SUMF1: variants seen among roughly 807,000 people sequenced by gnomAD.
SUMF1 encodes the protein formylglycine-generating enzyme.
A neutral mutation model predicts 47.6 loss-of-function variants in SUMF1; 48 were observed. That is an observed-to-expected ratio of 1.01 (90% CI 0.80 to 1.28). The LOEUF (loss-of-function observed/expected upper bound fraction) is 1.28, where lower values mean the gene tolerates loss of function less well. Ranked by LOEUF, SUMF1 falls within the 50% of genes most tolerant of loss-of-function variation. SUMF1 has a pLI of 0.00. For synonymous variants in SUMF1, 230 were observed against 192.1 expected, an observed-to-expected ratio of 1.20 and a Z score of -1.63; for missense variants, 571 against 485.4, an observed-to-expected ratio of 1.18 and a Z score of -1.66.
chr3:4,097,180 G>T (rs1208905193), intron 8 of SUMF1, among the ~76,000 whole-genome samples: 3 of 152,114 alleles, frequency 2.0e-5, no homozygotes, highest in Admixed American at 2.0e-4. Flanking sequence ...AAGTAAACTA[G>T]AATTTTAACC....
chr3:4,382,151 C>T (rs1700523158), intron 7 of SUMF1, among the ~76,000 whole-genome samples: 1 of 152,094 alleles, frequency 6.6e-6, no homozygotes, highest in Admixed American at 6.6e-5. Context: ...TAATGAAGAT[C>T]CTCGTAACGG....
intron 8 of SUMF1, among the ~76,000 whole-genome samples, chr3:4,187,826 G>A (rs1274188568): frequency 6.6e-6 from 1 of 151,978 alleles, no homozygotes; most frequent in Non-Finnish European, 1.5e-5. Context: ...AACTTCCTTT[G>A]GACCTCATAT....
chr3:4,252,130 G>A (rs530327556), intron 8 of SUMF1, among the ~76,000 whole-genome samples: 19 of 152,242 alleles, frequency 1.2e-4, no homozygotes, highest in African/African-American at 4.3e-4. Flanking sequence ...ATAAAGAAAT[G>A]AGTAACACTG....
chr3:4,267,389 A>G (rs1034947124), intron 8 of SUMF1, among the ~76,000 whole-genome samples: 22 of 152,204 alleles, frequency 1.4e-4, no homozygotes, highest in South Asian at 4.2e-4. Context: ...ATTGATTATT[A>G]CCGCAATTTC....
chr3:4,174,919 C>A lies in SUMF1; in HGVS notation c.1015-106174G>T, dbSNP rs1460319892. ...CTCGGCAGCTCCCACACCCACGAAG[C>A]CTTGCTCACTGCTATTGCAGCAGTC... On this transcript the variant is annotated intron_variant and NMD_transcript_variant, in intron 8 of 12. Coordinates refer to the SUMF1 transcript ENST00000448413. Among the ~76,000 whole-genome samples, 3 of 152,236 alleles carry A rather than the reference C, an allele frequency of 2.0e-5. No individual in the cohort carries two copies. In the South Asian group the frequency reaches 6.2e-4, roughly 31 times the overall value.
chr3:4,434,143 T>G (rs1326718610), intron 3 of SUMF1, among the ~76,000 whole-genome samples: 3 of 152,254 alleles, frequency 2.0e-5, no homozygotes, highest in Non-Finnish European at 2.9e-5. Flanking sequence ...TATTGTTTAA[T>G]GAGCATACAG....
chr3:4,409,848 T>G (rs183881050), intron 7 of SUMF1, among the ~76,000 whole-genome samples: 5 of 152,216 alleles, frequency 3.3e-5, no homozygotes, highest in African/African-American at 1.2e-4. Flanking sequence ...GAAGAAAAAT[T>G]AAGCATATCC....
intron 8 of SUMF1, among the ~76,000 whole-genome samples, chr3:4,169,687 C>T (rs1694790518): frequency 6.6e-6 from 1 of 152,188 alleles, no homozygotes; most frequent in Admixed American, 6.5e-5. Flanking sequence ...CCGTTTGGGG[C>T]TGACAATCTG....
intron 8 of SUMF1, among the ~76,000 whole-genome samples, chr3:4,259,070 A>G: frequency 6.9e-6 from 1 of 144,134 alleles, no homozygotes; most frequent in Non-Finnish European, 1.5e-5. Flanking sequence ...CAATGAGATC[A>G]CATGGACCCA....
intron 8 of SUMF1, among the ~76,000 whole-genome samples, chr3:4,370,617 G>A (rs541688026): frequency 3.5e-4 from 53 of 152,086 alleles, no homozygotes; most frequent in Non-Finnish European, 6.3e-4. Context: ...CTGCGACACA[G>A]GATAGTGAAA....
At chr3:4,295,780 G>C (rs1451143463) in intron 8 of SUMF1, among the ~76,000 whole-genome samples, 1 of 152,162 alleles carries the variant, frequency 6.6e-6, no homozygotes, top group African/African-American at 2.4e-5. Flanking sequence ...TTTTGAGACA[G>C]TCTACAATCA....
intron 8 of SUMF1, among the ~76,000 whole-genome samples, chr3:4,260,930 A>T (rs747495234): frequency 2.0e-5 from 3 of 152,136 alleles, no homozygotes; most frequent in Non-Finnish European, 1.5e-5. Flanking sequence ...CAGACCTCCC[A>T]GGAAGCCCTG....
intron 7 of SUMF1, among the ~76,000 whole-genome samples, chr3:4,402,025 A>G (rs1472213960): frequency 6.6e-6 from 1 of 152,194 alleles, no homozygotes; most frequent in African/African-American, 2.4e-5. Flanking sequence ...AATATGTTGC[A>G]GAAAAACAAG....
chr3:4,256,020 G>C (rs1294269192), intron 8 of SUMF1, among the ~76,000 whole-genome samples: 1 of 150,338 alleles, frequency 6.7e-6, no homozygotes, highest in Non-Finnish European at 1.5e-5. Flanking sequence ...TGACTACTGG[G>C]TACATAATAA....
intron 8 of SUMF1, among the ~76,000 whole-genome samples, chr3:4,258,164 A>G (rs891690312): frequency 6.7e-6 from 1 of 150,276 alleles, no homozygotes; most frequent in Admixed American, 6.6e-5. Flanking sequence ...AAACCCTAGA[A>G]GAAAACCTAG....
At chr3:4,221,175 C>G (rs1240403344) in intron 8 of SUMF1, among the ~76,000 whole-genome samples, 5 of 152,116 alleles carry the variant, frequency 3.3e-5, no homozygotes, top group Admixed American at 6.6e-5. Flanking sequence ...CTTTCATCCT[C>G]CTACCATTAC....
intron 8 of SUMF1, among the ~76,000 whole-genome samples, chr3:4,150,421 G>T (rs937423371): frequency 7.9e-5 from 12 of 151,640 alleles, no homozygotes; most frequent in East Asian, 5.8e-4. Flanking sequence ...AATTAGCCAG[G>T]TGTAGAGGCA....
chr3:4,291,247 T>TA (rs1697736765), intron 8 of SUMF1, among the ~76,000 whole-genome samples: 1 of 152,168 alleles, frequency 6.6e-6, no homozygotes, highest in South Asian at 2.1e-4. Flanking sequence ...ACACTGATGG[T>TA]AGTCCCAGCT....
At chr3:4,145,124 C>T (rs1363186463) in intron 8 of SUMF1, among the ~76,000 whole-genome samples, 1 of 141,250 alleles carries the variant, frequency 7.1e-6, no homozygotes, top group East Asian at 2.2e-4. Flanking sequence ...ACCCAGGAGG[C>T]GGAGCTTGCA....
Sources: gnomAD v4.1 joint callset for allele counts (sites outside exome capture counted in the v4.1 genomes callset) on GRCh38, gnomAD v4.1.1 for gene constraint, MANE v1.5 for transcripts, NCBI Gene and HGNC (gene_info 2026-07-23, HGNC 2026-07-21) for gene names.